The following SBF2 variants were observed in gnomAD, a reference collection of about 807,000 sequenced individuals.
SBF2 encodes the protein myotubularin-related protein 13.
SBF2 carries 112 observed loss-of-function variants against 225.2 expected under a neutral mutation model. The observed-to-expected ratio is 0.50, with a 90% CI of 0.43 to 0.58. The LOEUF (loss-of-function observed/expected upper bound fraction) is 0.58, where lower values mean the gene tolerates loss of function less well. Ranked by LOEUF, SBF2 falls within the 20% of genes least tolerant of loss-of-function variation. The pLI is 0.00. For missense variants in SBF2, 1,996 were observed against 2,206.2 expected, an observed-to-expected ratio of 0.90 and a Z score of 1.91; for synonymous variants, 763 against 773.3, an observed-to-expected ratio of 0.99 and a Z score of 0.22.
chr11:10,213,990 A>G (rs1958034205), intron 1 of SBF2, among the ~76,000 whole-genome samples: 1 of 152,250 alleles, frequency 6.6e-6, no homozygotes, highest in Non-Finnish European at 1.5e-5. Context: ...TTATAAGACA[A>G]AAGACTCTTT....
intron 2 of SBF2, among the ~76,000 whole-genome samples, chr11:10,071,677 T>C (rs563326204): frequency 2.3e-4 from 35 of 152,310 alleles, no homozygotes; most frequent in African/African-American, 7.9e-4. Flanking sequence ...TCCATCAATA[T>C]CTAGTTTATT....
At chr11:10,254,848 C>T (rs1591313387) in intron 1 of SBF2, among the ~76,000 whole-genome samples, 1 of 116,800 alleles carries the variant, frequency 8.6e-6, no homozygotes, top group Non-Finnish European at 1.6e-5. Context: ...TTGCAGTGAG[C>T]TGAGATTGTG....
At chr11:10,125,728 C>A (rs1953717926) in intron 2 of SBF2, among the ~76,000 whole-genome samples, 1 of 152,218 alleles carries the variant, frequency 6.6e-6, no homozygotes. Flanking sequence ...CCCAGTGTTT[C>A]CACTAATGTC....
intron 1 of SBF2, among the ~76,000 whole-genome samples, chr11:10,221,944 G>A (rs1487729197): frequency 6.6e-6 from 1 of 152,194 alleles, no homozygotes; most frequent in Non-Finnish European, 1.5e-5. Flanking sequence ...TTGCTGAAAA[G>A]TGAGAAACAC....
intron 16 of SBF2, among the ~76,000 whole-genome samples, chr11:9,934,340 G>C (rs1294700019): frequency 6.6e-6 from 1 of 152,164 alleles, no homozygotes; most frequent in East Asian, 1.9e-4. Context: ...AAAAAGTCCA[G>C]AAGCAGACGG....
At chr11:10,046,879 CAAA>C (rs34571490) in intron 2 of SBF2, among the ~76,000 whole-genome samples, 40 of 99,608 alleles carry the variant, frequency 4.0e-4, no homozygotes, top group African/African-American at 1.8e-3. Flanking sequence ...TCTGAAAGGA[CAAA>C]AAAAAAAAAA....
At chr11:9,908,925 C>T (rs1411205376) in intron 16 of SBF2, among the ~76,000 whole-genome samples, 4 of 151,018 alleles carry the variant, frequency 2.6e-5, no homozygotes, top group Admixed American at 2.6e-4. Context: ...TGAGCTCAAG[C>T]GATCCTCTCA....
intron 16 of SBF2, among the ~76,000 whole-genome samples, chr11:9,927,060 C>G (rs774708627): frequency 3.3e-5 from 5 of 152,044 alleles, no homozygotes; most frequent in Non-Finnish European, 7.4e-5. Flanking sequence ...AGAGAGATGA[C>G]ATTATTCTAG....
At chr11:9,917,557 C>T (rs1435474990) in intron 16 of SBF2, among the ~76,000 whole-genome samples, 1 of 151,616 alleles carries the variant, frequency 6.6e-6, no homozygotes, top group Non-Finnish European at 1.5e-5. Flanking sequence ...GTCTTGAACT[C>T]CTGAGCTCAA....
intron 1 of SBF2, among the ~76,000 whole-genome samples, chr11:10,257,664 CAAAAAAAA>C (rs58743421): frequency 2.6e-5 from 1 of 39,054 alleles, no homozygotes; most frequent in African/African-American, 1.4e-4. Context: ...GGCCTTGCCT[CAAAAAAAA>C]AAAAAAAAAA....
At chr11:9,970,747 G>A (rs900073896) in intron 13 of SBF2, among the ~76,000 whole-genome samples, 1 of 152,138 alleles carries the variant, frequency 6.6e-6, no homozygotes, top group African/African-American at 2.4e-5. Flanking sequence ...CTTATATAAG[G>A]CTCCTCAGAA....
At chr11:9,924,221 C>G (rs1292688678) in intron 16 of SBF2, among the ~76,000 whole-genome samples, 1 of 152,112 alleles carries the variant, frequency 6.6e-6, no homozygotes, top group Non-Finnish European at 1.5e-5. Context: ...GACTATACCT[C>G]GAGTACCCAC....
chr11:10,001,465 A>G (rs1947952685), intron 7 of SBF2, among the ~76,000 whole-genome samples: 1 of 141,484 alleles, frequency 7.1e-6, no homozygotes, highest in Non-Finnish European at 1.6e-5. Flanking sequence ...ATGGCAAAAA[A>G]AAGGGGGGGG....
intron 6 of SBF2, among the ~76,000 whole-genome samples, chr11:10,013,262 G>A (rs777608038): frequency 6.6e-6 from 1 of 152,066 alleles, no homozygotes; most frequent in African/African-American, 2.4e-5. Context: ...TACTTTTACC[G>A]ATAATGATGC....
At chr11:10,185,265 T>C (rs1021058646) in intron 2 of SBF2, among the ~76,000 whole-genome samples, 4 of 152,204 alleles carry the variant, frequency 2.6e-5, no homozygotes, top group Admixed American at 2.0e-4. Flanking sequence ...AGCTTTCAGT[T>C]CTTTTAGGAT....
At chr11:9,784,907 C>CCTG in intron 37 of SBF2, 1 of 590,652 alleles carries the variant, frequency 1.7e-6, no homozygotes, top group Non-Finnish European at 3.0e-6. Flanking sequence ...CAGGACTCAA[C>CCTG]TACAAATAAC....
At chr11:9,833,472 G>C (rs953212111) in intron 26 of SBF2, among the ~76,000 whole-genome samples, 15 of 147,522 alleles carry the variant, frequency 1.0e-4, no homozygotes, top group Admixed American at 4.8e-4. Flanking sequence ...CCAGGCTGGA[G>C]TGCAGTGGCA....
At chr11:10,017,258 A>G (rs1006618633) in intron 6 of SBF2, among the ~76,000 whole-genome samples, 1 of 152,246 alleles carries the variant, frequency 6.6e-6, no homozygotes, top group African/African-American at 2.4e-5. Flanking sequence ...TGTTACACAA[A>G]TAGAAGACTA....
At chr11:10,181,570 T>C (rs1388679011) in intron 2 of SBF2, among the ~76,000 whole-genome samples, 1 of 152,160 alleles carries the variant, frequency 6.6e-6, no homozygotes, top group African/African-American at 2.4e-5. Context: ...AGGACTTTTA[T>C]CTTTATAATT....
Sources: allele counts gnomAD v4.1 joint callset (sites outside exome capture counted in the v4.1 genomes callset), GRCh38; gene constraint gnomAD v4.1.1; transcripts MANE v1.5; gene names NCBI Gene and HGNC (gene_info 2026-07-23, HGNC 2026-07-21).